The following SORCS1 variants were observed in gnomAD, a reference collection of about 807,000 sequenced individuals.
SORCS1 encodes the protein sortilin related VPS10 domain containing receptor 1.
Under a neutral mutation model 146.1 loss-of-function variants are expected in SORCS1, and 60 were observed. That is an observed-to-expected ratio of 0.41 (90% CI 0.33 to 0.51). The LOEUF is 0.51. Ranked by LOEUF, SORCS1 falls within the 20% of genes least tolerant of loss-of-function variation. The pLI is 0.21. For missense variants in SORCS1, 1,352 were observed against 1,487.6 expected, an observed-to-expected ratio of 0.91 and a Z score of 1.50; for synonymous variants, 637 against 584.0, an observed-to-expected ratio of 1.09 and a Z score of -1.31.
Position 106,586,522 on chromosome 10 carries a change from C to T in SORCS1, c.3266-7048G>A, listed in dbSNP as rs1169685079. The stretch of plus-strand genomic sequence containing the variant: ...CCTGTTTCTGTTCATCTGACTGTTC[C>T]TTGCTGACCATTCTCTGACCAAGAG... On this transcript the variant is annotated intron_variant, in intron 24 of 25. Transcript: ENST00000263054. Among the ~76,000 whole-genome samples the T allele has an allele frequency of 4.6e-5, 7 of 152,044 alleles. No individual in the cohort carries two copies. In the South Asian group the frequency reaches 6.2e-4, roughly 14 times the overall value.
intron 3 of SORCS1, among the ~76,000 whole-genome samples, chr10:106,799,867 C>T (rs1946776355): frequency 6.6e-6 from 1 of 152,124 alleles, no homozygotes; most frequent in Admixed American, 6.6e-5. Context: ...TTGAGTATGT[C>T]TTTATCAGCA....
At chr10:106,939,247 C>T (rs1273390260) in intron 2 of SORCS1, among the ~76,000 whole-genome samples, 1 of 152,208 alleles carries the variant, frequency 6.6e-6, no homozygotes, top group Non-Finnish European at 1.5e-5. Flanking sequence ...GCAGGCATGG[C>T]TAATCCAAGT....
intron 10 of SORCS1, among the ~76,000 whole-genome samples, chr10:106,686,321 A>G (rs1335262048): frequency 2.0e-5 from 3 of 152,176 alleles, no homozygotes; most frequent in Non-Finnish European, 2.9e-5. Context: ...TTGGGGGTGA[A>G]GCAGGGAATA....
chr10:107,073,037 T>A (rs1030363085), intron 1 of SORCS1, among the ~76,000 whole-genome samples: 1 of 152,214 alleles, frequency 6.6e-6, no homozygotes, highest in African/African-American at 2.4e-5. Flanking sequence ...ATGTCTGCTG[T>A]GTTCCTATTA....
chr10:107,002,520 A>C (rs879282887), intron 1 of SORCS1, among the ~76,000 whole-genome samples: 20 of 152,218 alleles, frequency 1.3e-4, no homozygotes, highest in Non-Finnish European at 2.2e-4. Context: ...ATAATGAAGC[A>C]AAAACTATAG....
At chr10:107,028,338 G>C (rs1213931825) in intron 1 of SORCS1, among the ~76,000 whole-genome samples, 1 of 152,164 alleles carries the variant, frequency 6.6e-6, no homozygotes, top group East Asian at 1.9e-4. Context: ...AACAGAAAGA[G>C]GCTCATATTC....
In SORCS1 at chr10:106,620,505, C is replaced by A; in HGVS notation, c.2719G>T (p.Val907Phe). 6.2e-7 allele frequency: 1 copy of A among 1,614,136 alleles called. No individual in the cohort carries two copies. Among genetic ancestry groups the A allele is most frequent in the Admixed American group, 1.7e-5 (1 of 60,026 alleles). ...GGCCACAGCACTGCCGTCGCATTGA[C>A]CTCTTTGTTCTTTGTGGTGACAAAG... The part of the protein sequence containing the change: ...LPFVTTKNKE[V>F]NATAVLWPSQ... The change falls in exon 20 of 26, where the codon GTC becomes TTC. Residue 907 changes from valine (V) to phenylalanine (F), a missense_variant. By Grantham distance (50) the Val-to-Phe change is conservative. Transcript: ENST00000263054.
chr10:106,682,427 G>A (rs1339025612), intron 10 of SORCS1, among the ~76,000 whole-genome samples: 1 of 152,092 alleles, frequency 6.6e-6, no homozygotes, highest in East Asian at 1.9e-4. Context: ...TTTTCTTCAA[G>A]GAAGTAACAT....
chr10:107,150,013 A>C lies in SORCS1; in HGVS notation c.558+13956T>G, dbSNP rs572263680. 1.6e-4 allele frequency among the ~76,000 whole-genome samples: 25 copies of C among 152,334 alleles called. No homozygotes were observed. The South Asian group carries it at 5.2e-3, about 32-fold the overall frequency. On this transcript the variant is annotated intron_variant, in intron 1 of 25. Transcript: ENST00000263054. ...CCTTACCTCCCACTCAGGCAAAATT[A>C]GGTGTCCCCCAGTCATCTTTGCTCC... is the stretch of plus-strand genomic sequence containing the variant.
chr10:106,664,440 A>G (rs1850973214), intron 17 of SORCS1, among the ~76,000 whole-genome samples: 1 of 152,160 alleles, frequency 6.6e-6, no homozygotes, highest in Non-Finnish European at 1.5e-5. Context: ...CAGGAGATCA[A>G]GACCATCCTG....
intron 24 of SORCS1, among the ~76,000 whole-genome samples, chr10:106,588,888 AAAG>A (rs1564748831): frequency 1.3e-5 from 2 of 148,650 alleles, no homozygotes; most frequent in South Asian, 2.1e-4. Context: ...AAAAAAAAAA[AAAG>A]AAGATTCCTA....
At chr10:106,657,582 A>G (rs1363966511) in intron 17 of SORCS1, among the ~76,000 whole-genome samples, 1 of 151,664 alleles carries the variant, frequency 6.6e-6, no homozygotes, top group African/African-American at 2.4e-5. Context: ...GTAACCGAAG[A>G]CCACTTGTAC....
intron 2 of SORCS1, among the ~76,000 whole-genome samples, chr10:106,854,334 T>A (rs1949701259): frequency 6.6e-6 from 1 of 152,074 alleles, no homozygotes; most frequent in African/African-American, 2.4e-5. Flanking sequence ...TTAATTTGAA[T>A]GTATCTTTGT....
intron 2 of SORCS1, among the ~76,000 whole-genome samples, chr10:106,942,696 G>A (rs1035450009): frequency 2.6e-5 from 4 of 152,090 alleles, no homozygotes; most frequent in African/African-American, 4.8e-5. Flanking sequence ...CTTGGTAAAA[G>A]GAAAGCTCCC....
chr10:106,666,662 T>G (rs955870472), intron 17 of SORCS1, among the ~76,000 whole-genome samples: 4 of 151,916 alleles, frequency 2.6e-5, no homozygotes, highest in African/African-American at 9.7e-5. Context: ...GTTCAAGTGA[T>G]TTTCCTGCCT....
At chr10:106,693,781 T>C (rs1853482058) in intron 9 of SORCS1, among the ~76,000 whole-genome samples, 1 of 152,222 alleles carries the variant, frequency 6.6e-6, no homozygotes, top group Admixed American at 6.5e-5. Flanking sequence ...GTACTTCTTA[T>C]GCTCTTTATT....
At chr10:106,929,126 G>A (rs1002823344) in intron 2 of SORCS1, among the ~76,000 whole-genome samples, 2 of 152,124 alleles carry the variant, frequency 1.3e-5, no homozygotes, top group Non-Finnish European at 2.9e-5. Flanking sequence ...ATATGCTTCA[G>A]TAGTTAAGAA....
intron 1 of SORCS1, among the ~76,000 whole-genome samples, chr10:107,047,332 C>T (rs1370674720): frequency 6.6e-6 from 1 of 152,148 alleles, no homozygotes; most frequent in Non-Finnish European, 1.5e-5. Flanking sequence ...GTCAGTAGAA[C>T]AAGTCATTAA....
At chr10:106,906,057 G>A (rs757259683) in intron 2 of SORCS1, among the ~76,000 whole-genome samples, 59 of 152,090 alleles carry the variant, frequency 3.9e-4, no homozygotes, top group Non-Finnish European at 6.9e-4. Flanking sequence ...GTATTAGTCC[G>A]TTTTCATGCT....
Sources: gnomAD v4.1 joint callset for allele counts (sites outside exome capture counted in the v4.1 genomes callset) on GRCh38, gnomAD v4.1.1 for gene constraint, MANE v1.5 for transcripts, NCBI Gene and HGNC (gene_info 2026-07-23, HGNC 2026-07-21) for gene names.